The following TEX9 variants were observed in gnomAD, a reference collection of about 807,000 sequenced individuals.
TEX9 encodes testis expressed 9.
In TEX9, 74 loss-of-function variants were observed where a neutral mutation model predicts 59.6. The observed-to-expected ratio is 1.24, with a 90% CI of 1.03 to 1.51. TEX9 has a LOEUF of 1.51. TEX9 is among the 40% of genes most tolerant of loss of function. TEX9 has a pLI of 0.00. For synonymous variants in TEX9, 186 were observed against 152.2 expected, an observed-to-expected ratio of 1.22 and a Z score of -1.64; for missense variants, 522 against 447.8, an observed-to-expected ratio of 1.17 and a Z score of -1.49.
chr15:56,250,294 G>C (rs1291310704), intron 1 of TEX9, among the ~76,000 whole-genome samples: 1 of 152,196 alleles, frequency 6.6e-6, no homozygotes, highest in Non-Finnish European at 1.5e-5. Context: ...AGGAAGTTTA[G>C]AGAAAGAGCA....
intron 1 of TEX9, among the ~76,000 whole-genome samples, chr15:56,284,782 C>CT (rs1419661786): frequency 6.6e-6 from 1 of 152,064 alleles, no homozygotes; most frequent in East Asian, 1.9e-4. Flanking sequence ...TTGGCTTGAC[C>CT]TTTTTTTCCA....
chr15:56,251,656 A>G (rs916572180), intron 1 of TEX9, among the ~76,000 whole-genome samples: 4 of 152,168 alleles, frequency 2.6e-5, no homozygotes, highest in African/African-American at 9.7e-5. Flanking sequence ...GATTAAGCAG[A>G]AACTGTGTGA....
chr15:56,281,724 A>G (rs2044824825), intron 1 of TEX9, among the ~76,000 whole-genome samples: 1 of 152,196 alleles, frequency 6.6e-6, no homozygotes, highest in South Asian at 2.1e-4. Flanking sequence ...GCACCTTATA[A>G]ACAGTCTTTG....
At chr15:56,377,415 C>T (rs1299431049) in intron 3 of TEX9, among the ~76,000 whole-genome samples, 1 of 151,858 alleles carries the variant, frequency 6.6e-6, no homozygotes, top group Non-Finnish European at 1.5e-5. Context: ...TTTTTGTGTC[C>T]TCTTCAATTT....
upstream of TEX9, among the ~76,000 whole-genome samples, chr15:56,363,157 G>C (rs1324762024): frequency 3.3e-5 from 5 of 152,078 alleles, no homozygotes; most frequent in Non-Finnish European, 7.4e-5. Context: ...ATAAACTATT[G>C]AGGAATTGCT....
chr15:56,431,529 A>G (rs201121542), intron 12 of TEX9: 4 of 1,611,514 alleles, frequency 2.5e-6, no homozygotes, highest in East Asian at 2.2e-5. Flanking sequence ...TTGTTATCAC[A>G]AAGTACATTA....
chr15:56,372,478 G>C (rs1320262879), intron 2 of TEX9, among the ~76,000 whole-genome samples: 2 of 152,090 alleles, frequency 1.3e-5, no homozygotes, highest in African/African-American at 2.4e-5. Flanking sequence ...CTCAACAGGA[G>C]AAAAAAGTTA....
At position 56,403,804 on chromosome 15, in the gene TEX9, A is replaced by G. The variant is rs1459714741; in HGVS notation, c.829-8498A>G. Among the ~76,000 whole-genome samples, 7 of 152,232 alleles carry G rather than the reference A, an allele frequency of 4.6e-5. No individual in the cohort carries two copies. The East Asian group carries it at 1.3e-3, about 29-fold the overall frequency. On this transcript the variant is annotated intron_variant, in intron 9 of 12. Coordinates refer to ENST00000352903, the Ensembl canonical transcript of TEX9. ...CAGAGATATAGACCAATGGAACAGA[A>G]CAGAGCCCTCAGAAATAATACCACA...
In TEX9 at chr15:56,401,311, A is replaced by C. The variant is rs1421871817; in HGVS notation, c.828+6477A>C. 3.3e-4 allele frequency among the ~76,000 whole-genome samples: 25 copies of C among 75,484 alleles called. No individual in the cohort carries two copies. In the East Asian group the frequency reaches 4.4e-3, roughly 13 times the overall value. 49.5% of individuals were successfully genotyped at this position (75,484 alleles called of 152,430 possible). A position where few individuals can be genotyped will look rare whatever the true frequency, so the allele number is the denominator to read the frequency against. On this transcript the variant is annotated intron_variant, in intron 9 of 12. Coordinates refer to ENST00000352903, the Ensembl canonical transcript of TEX9. Reference sequence around the variant, plus strand: ...GACCTACCAAGCAAATTGAAAGCAAAAAAAAAAAAAAAAAAAAAAAACAGG... The same window carrying C: ...GACCTACCAAGCAAATTGAAAGCAACAAAAAAAAAAAAAAAAAAAAACAGG...
intron 1 of TEX9, among the ~76,000 whole-genome samples, chr15:56,339,439 C>G (rs2046332470): frequency 1.4e-5 from 2 of 139,444 alleles, no homozygotes; most frequent in South Asian, 2.3e-4. Flanking sequence ...AGCCCCTGGG[C>G]AAAACCATTC....
chr15:56,305,036 T>C (rs998119578), intron 1 of TEX9, among the ~76,000 whole-genome samples: 1 of 152,212 alleles, frequency 6.6e-6, no homozygotes, highest in Non-Finnish European at 1.5e-5. Context: ...CCATTTACAT[T>C]AGCTACAAAT....
At chr15:56,327,638 T>A (rs2046047689) in intron 1 of TEX9, among the ~76,000 whole-genome samples, 1 of 152,034 alleles carries the variant, frequency 6.6e-6, no homozygotes, top group East Asian at 1.9e-4. Flanking sequence ...ACACCACTCC[T>A]CCCCCATGCC....
At position 56,425,830 on chromosome 15, in the gene TEX9, C is replaced by T. The variant is rs572530293; in HGVS notation, c.964-1775C>T. ...CGGGTGTTTGAAAAAACAGCCACTT[C>T]TCCCAGTCTTGCAGACTGGCTGCAT... On this transcript the variant is annotated intron_variant, in intron 10 of 12. Transcript: ENST00000352903. 2.6e-5 allele frequency among the ~76,000 whole-genome samples: 4 copies of T among 152,226 alleles called. No individual in the cohort carries two copies. The South Asian group carries it at 6.2e-4, about 24-fold the overall frequency.
chr15:56,382,482 CA>C (rs2047775117), intron 3 of TEX9, among the ~76,000 whole-genome samples: 1 of 152,290 alleles, frequency 6.6e-6, no homozygotes, highest in Non-Finnish European at 1.5e-5. Flanking sequence ...CCCCTGAAGT[CA>C]GTATGTCTCA....
chr15:56,307,949 G>T (rs1319266232), intron 1 of TEX9, among the ~76,000 whole-genome samples: 1 of 152,038 alleles, frequency 6.6e-6, no homozygotes, highest in Middle Eastern at 3.2e-3. Flanking sequence ...TCATTGACTG[G>T]TTATATCATA....
intron 7 of TEX9, among the ~76,000 whole-genome samples, chr15:56,392,734 G>A (rs774958365): frequency 1.3e-5 from 2 of 152,096 alleles, no homozygotes; most frequent in African/African-American, 2.4e-5. Context: ...GCTAGTTATG[G>A]TAAGGGAAGG....
At chr15:56,271,670 A>G (rs932927958) in intron 1 of TEX9, among the ~76,000 whole-genome samples, 1 of 151,994 alleles carries the variant, frequency 6.6e-6, no homozygotes, top group East Asian at 1.9e-4. Flanking sequence ...TTGCCACACC[A>G]GTTTTCTTAT....
At chr15:56,434,309 C>T in intron 12 of TEX9, 2 of 1,613,858 alleles carry the variant, frequency 1.2e-6, no homozygotes, top group Non-Finnish European at 1.7e-6. Context: ...CTTTTGCAGC[C>T]TGTAGCACTA....
intron 12 of TEX9, among the ~76,000 whole-genome samples, chr15:56,430,398 A>G (rs3784551): frequency 0.3 from 46,229 of 151,800 alleles, 7,943 homozygotes; most frequent in Middle Eastern, 0.49. Flanking sequence ...TAGCAATGGC[A>G]TCTCCCCATG....
Sources: allele counts gnomAD v4.1 joint callset (sites outside exome capture counted in the v4.1 genomes callset), GRCh38; gene constraint gnomAD v4.1.1; transcripts MANE v1.5; gene names NCBI Gene and HGNC (gene_info 2026-07-23, HGNC 2026-07-21).